The following ERBB2 variants were observed in gnomAD, a reference collection of about 807,000 sequenced individuals.
ERBB2 encodes the protein receptor tyrosine-protein kinase erbB-2.
Under a neutral mutation model 149.0 loss-of-function variants are expected in ERBB2, and 61 were observed. The observed-to-expected ratio is 0.41, with a 90% CI of 0.33 to 0.51. The LOEUF (loss-of-function observed/expected upper bound fraction) is 0.51. Among genes scored for constraint, ERBB2 ranks in the 20% least tolerant of loss-of-function variants. The probability of loss-of-function intolerance (pLI) is 0.25; values close to 1 mark genes in which losing one functional copy is unlikely to be tolerated. For synonymous variants in ERBB2, 633 were observed against 678.8 expected, an observed-to-expected ratio of 0.93 and a Z score of 1.05; for missense variants, 1,205 against 1,655.1, an observed-to-expected ratio of 0.73 and a Z score of 4.72.
rs368621012 is a variant in ERBB2, at chr17:39,723,311, G to A, written c.1947-8G>A. On this transcript the variant is annotated splice_region_variant and splice_polypyrimidine_tract_variant and intron_variant, in intron 16 of 26. Coordinates refer to ENST00000269571, the MANE Select transcript of ERBB2 (RefSeq NM_004448.4). This position sits in a 1 kb window ranked among gnomAD's most constrained non-coding sequence, Gnocchi z 6.2. ...CCCTCAATCCCTGACCCTGGCTTCC[G>A]CCCCCAGCCCTCTGACGTCCATCAT... is the stretch of plus-strand genomic sequence containing the variant. 1.1e-4 allele frequency: 177 copies of A among 1,583,702 alleles called. No homozygotes were observed. The highest frequency in any genetic ancestry group is 2.2e-4 in the Admixed American group (13 of 58,892).
upstream of ERBB2, among the ~76,000 whole-genome samples, chr17:39,691,922 C>CATATATATATATATATATATATAT (rs1171342693): frequency 1.0e-5 from 1 of 98,424 alleles, no homozygotes; most frequent in African/African-American, 4.0e-5. Context: ...TATACATATA[C>CATATATATATATATATATATATAT]ATATACATAT....
At chr17:39,708,108 C>A in intron 2 of ERBB2, 1 of 493,776 alleles carries the variant, frequency 2.0e-6, no homozygotes, top group African/African-American at 1.9e-5. Flanking sequence ...ATGAAATGCC[C>A]CCCCACCATT....
chr17:39,695,704 TACACACACACACACACACACACACAC>T (rs56249643), upstream of ERBB2, among the ~76,000 whole-genome samples: 2 of 96,656 alleles, frequency 2.1e-5, no homozygotes, highest in African/African-American at 8.4e-5. Context: ...GGTGCATGCA[TACACACACACACACACACACACACAC>T]ACACACACAC....
Position 39,727,877 on chromosome 17 carries a change from G to A in ERBB2, c.3601G>A (p.Gly1201Arg), listed in dbSNP as rs2143306660. The A allele has an allele frequency of 1.2e-6, 2 of 1,614,114 alleles. No individual in the cohort carries two copies. The highest frequency in any genetic ancestry group is 2.7e-5 in the African/African-American group (2 of 75,016). ...VENPEYLTPQ[G>R]GAAPQPHPPP... Reference sequence around the variant, plus strand: ...GAACCCCGAGTACTTGACACCCCAGGGAGGAGCTGCCCCTCAGCCCCACCC... The same window carrying A: ...GAACCCCGAGTACTTGACACCCCAGAGAGGAGCTGCCCCTCAGCCCCACCC... Residue 1201 changes from glycine to arginine, a missense_variant, in exon 27 of 27, where the codon GGA becomes AGA. Gly to Arg is a moderately radical substitution (Grantham distance 125). Transcript: ENST00000269571. This position sits in a 1 kb window ranked among gnomAD's most constrained non-coding sequence, Gnocchi z 4.3.
chr17:39,723,538 C>G lies in ERBB2; in HGVS notation c.2086C>G (p.Leu696Val), dbSNP rs2145811614. 1 of 1,612,548 alleles carries G rather than the reference C, an allele frequency of 6.2e-7. No homozygotes were observed. Among genetic ancestry groups the G allele is most frequent in the Non-Finnish European group, 8.5e-7 (1 of 1,179,370 alleles). ...CTGACCCACCACCCCCTCACCCCAG[C>G]TGGTGGAGCCGCTGACACCTAGCGG... ...TMRRLLQETE[L>V]VEPLTPSGAM... is the part of the protein sequence containing the mutation. The change falls in exon 18 of 27, where the codon CTG (leucine) becomes GTG (valine). Residue 696 changes from leucine (L) to valine (V), a missense_variant and splice_region_variant. Around this residue, in one of 6 missense-constraint regions of ERBB2, gnomAD observed 152 missense variants for 318.1 expected, o/e 0.48. Transcript: ENST00000269571. The surrounding 1 kb of genome is among the most constrained non-coding windows in gnomAD (Gnocchi z 6.2).
At chr17:39,717,289 GC>G in intron 14 of ERBB2, 30 bp from the exon 15 acceptor site, 1 of 1,562,006 alleles carries the variant, frequency 6.4e-7, no homozygotes, top group East Asian at 2.3e-5. Context: ...GTCAGTGCCA[GC>G]CCCCCACAAA....
At chr17:39,694,292 C>T (rs75568724), upstream of ERBB2, among the ~76,000 whole-genome samples, 2 of 38,860 alleles carry the variant, frequency 5.1e-5, no homozygotes, top group South Asian at 1.1e-3. Flanking sequence ...TATATATACA[C>T]ATATATATGT....
At chr17:39,708,681 T>C (rs2058609955) in intron 3 of ERBB2, 147 bp downstream of exon 3, 1 of 630,782 alleles carries the variant, frequency 1.6e-6, no homozygotes, top group Admixed American at 2.9e-5. Flanking sequence ...CCTCAGAAGA[T>C]TGGAAAAAGA....
rs2059723988 is a variant in ERBB2 at position 39,725,815 on chromosome 17, C to A, written c.2834C>A (p.Pro945His). 2 of 1,613,882 alleles carry A rather than the reference C, an allele frequency of 1.2e-6. No homozygotes were observed. The highest frequency in any genetic ancestry group is 1.7e-6 in the Non-Finnish European group (2 of 1,179,936). Residue 945 changes from proline to histidine, a missense_variant, in exon 23 of 27, where the codon CCC becomes CAC. Physicochemically the swap from Pro to His is moderately conservative, Grantham distance 77. Around this residue, in one of 6 missense-constraint regions of ERBB2, gnomAD observed 63 missense variants for 74.2 expected, o/e 0.85. Transcript: ENST00000269571. This position sits in a 1 kb window ranked among gnomAD's most constrained non-coding sequence, Gnocchi z 4.6. The part of the protein sequence containing the change: ...LEKGERLPQP[P>H]ICTIDVYMIM... ...AAGGGGGAGCGGCTGCCCCAGCCCC[C>A]CATCTGCACCATTGATGTCTACATG...
At position 39,726,945 on chromosome 17, in the gene ERBB2, A is replaced by G; in HGVS notation, c.3101A>G (p.Asp1034Gly). ...CCCCAGCAGGGCTTCTTCTGTCCAG[A>G]CCCTGCCCCGGGCGCTGGGGGCATG... is the stretch of plus-strand genomic sequence containing the variant. ...LVPQQGFFCPDPAPGAGGMVH... is the reference protein window; with the variant it reads ...LVPQQGFFCPGPAPGAGGMVH... The change falls in exon 25 of 27, where the codon GAC becomes GGC. Residue 1034 changes from aspartate to glycine, a missense_variant. By Grantham distance (94) the Asp-to-Gly change is moderately conservative. This residue lies in a region of ERBB2 where 312 missense variants were observed against 343.8 expected (regional missense o/e 0.91). Transcript: ENST00000269571. This position sits in a 1 kb window ranked among gnomAD's most constrained non-coding sequence, Gnocchi z 5.1. 1 of 1,612,912 alleles carries G rather than the reference A, an allele frequency of 6.2e-7. No homozygotes were observed. The highest frequency in any genetic ancestry group is 2.2e-5 in the East Asian group (1 of 44,852).
intron 2 of ERBB2, chr17:39,707,395 C>T: frequency 2.6e-6 from 1 of 389,830 alleles, no homozygotes; most frequent in Admixed American, 4.6e-5. Context: ...CTTGTGCTCT[C>T]TTGCCAGCAT....
At chr17:39,716,732 G>A in intron 14 of ERBB2, 127 bp downstream of exon 14, 6 of 834,324 alleles carry the variant, frequency 7.2e-6, no homozygotes, top group East Asian at 5.3e-5. Context: ...AGGGCTCAGC[G>A]CTCAGACCTG....
In ERBB2 at chr17:39,725,258, A is replaced by G. The variant is rs2145870922; in HGVS notation, c.2649+54A>G. ...GGCTGGGTGGAGTGGTGTCTAGCCC[A>G]TGGGAGAACTCTGAGTGGCCACCTC... On this transcript the variant is annotated intron_variant, in intron 21 of 26. Transcript: ENST00000269571. This position sits in a 1 kb window ranked among gnomAD's most constrained non-coding sequence, Gnocchi z 4.6. 1 of 1,613,224 alleles carries G rather than the reference A, an allele frequency of 6.2e-7. No individual in the cohort carries two copies. The highest frequency in any genetic ancestry group is 8.5e-7 in the Non-Finnish European group (1 of 1,179,294).
rs1019116638 is a variant in ERBB2 at position 39,723,156 on chromosome 17, G to C, written c.1947-163G>C. Among the ~76,000 whole-genome samples the C allele has an allele frequency of 2.6e-5, 4 of 152,116 alleles. No individual in the cohort carries two copies. Among genetic ancestry groups the C allele is most frequent in the Non-Finnish European group, 4.4e-5 (3 of 68,012 alleles). On this transcript the variant is annotated intron_variant, in intron 16 of 26. Transcript: ENST00000269571. The surrounding 1 kb of genome is among the most constrained non-coding windows in gnomAD (Gnocchi z 6.2). ...TTTGGACTTTATTGTGGAGGCAGCG[G>C]GGAGCCAAGGCAGGTTTTAGAGTAG...
Position 39,727,958 on chromosome 17 carries a change from C to T in ERBB2, c.3682C>T (p.Pro1228Ser), listed in dbSNP as rs2143314649. The change falls in exon 27 of 27, where the codon CCA becomes TCA. Residue 1228 changes from proline (P) to serine (S), a missense_variant. Pro to Ser is a moderately conservative substitution (Grantham distance 74). Transcript: ENST00000269571. This position sits in a 1 kb window ranked among gnomAD's most constrained non-coding sequence, Gnocchi z 4.3. ...CCTCTATTACTGGGACCAGGACCCA[C>T]CAGAGCGGGGGGCTCCACCCAGCAC... Reference protein sequence around the residue: ...DNLYYWDQDPPERGAPPSTFK... With the variant: ...DNLYYWDQDPSERGAPPSTFK... 2.5e-6 allele frequency: 4 copies of T among 1,614,014 alleles called. No individual in the cohort carries two copies. Among genetic ancestry groups the T allele is most frequent in the Non-Finnish European group, 3.4e-6 (4 of 1,180,016 alleles).
At chr17:39,709,954 T>A (rs1250159039) in intron 5 of ERBB2, 73 bp downstream of exon 5, 1 of 1,519,646 alleles carries the variant, frequency 6.6e-7, no homozygotes, top group East Asian at 2.3e-5. Context: ...GTCATACAGG[T>A]GACATGGGAG....
Position 39,723,409 on chromosome 17 carries a change from G to GCAGAAGAT in ERBB2, c.2039_2046dup (p.Lys684ArgfsTer20), listed in dbSNP as rs2059556526. 1 of 1,614,074 alleles carries GCAGAAGAT rather than the reference G, an allele frequency of 6.2e-7. No individual in the cohort carries two copies. The highest frequency in any genetic ancestry group is 1.3e-5 in the African/African-American group (1 of 74,932). ...TTGGGATCCTCATCAAGCGACGGCA[G>GCAGAAGAT]CAGAAGATCCGGAAGTACACGATGC... On this transcript the variant is annotated frameshift_variant, in exon 17 of 27. Coordinates refer to ENST00000269571, the MANE Select transcript of ERBB2 (RefSeq NM_004448.4). LOFTEE classifies it high-confidence loss of function. The surrounding 1 kb of genome is among the most constrained non-coding windows in gnomAD (Gnocchi z 6.2).
rs2145706735 is a variant in ERBB2 at position 39,717,341 on chromosome 17, T to C, written c.1759T>C (p.Cys587Arg). ...CCAGGAGGCTGACCAGTGTGTGGCC[T>C]GTGCCCACTATAAGGACCCTCCCTT... ...FGPEADQCVA[C>R]AHYKDPPFCV... The change falls in exon 15 of 27, where the codon TGT (cysteine) becomes CGT (arginine). Residue 587 changes from cysteine to arginine, a missense_variant. Around this residue, in one of 6 missense-constraint regions of ERBB2, gnomAD observed 569 missense variants for 803.5 expected, o/e 0.71. Coordinates refer to ENST00000269571, the MANE Select transcript of ERBB2 (RefSeq NM_004448.4). 6.2e-7 allele frequency: 1 copy of C among 1,612,174 alleles called. No homozygotes were observed. Among genetic ancestry groups the C allele is most frequent in the Non-Finnish European group, 8.5e-7 (1 of 1,179,828 alleles).
In ERBB2 at chr17:39,728,197, C is replaced by CT. The variant is rs1225363800; in HGVS notation, c.*155dup. 6 of 581,566 alleles carry CT rather than the reference C, an allele frequency of 1.0e-5. No homozygotes were observed. The highest frequency in any genetic ancestry group is 1.8e-5 in the Non-Finnish European group (6 of 332,794). The allele number at this position is 581,566 out of a possible 1,614,324, so 36.0% of individuals were successfully genotyped here. On this transcript the variant is annotated 3_prime_UTR_variant, in exon 27 of 27. Coordinates refer to ENST00000269571, the MANE Select transcript of ERBB2 (RefSeq NM_004448.4). ...CTGTCCTAAGGAACCTTCCTTCCTG[C>CT]TTGAGTTCCCAGATGGCTGGAAGGG...
Sources: allele counts gnomAD v4.1 joint callset (sites outside exome capture counted in the v4.1 genomes callset), GRCh38; gene constraint gnomAD v4.1.1; regional missense constraint gnomAD v4.1.1; non-coding constraint Gnocchi (gnomAD v3.1); transcripts MANE v1.5; gene names NCBI Gene and HGNC (gene_info 2026-07-23, HGNC 2026-07-21).